CELF1: variants seen among roughly 807,000 people sequenced by gnomAD.
CELF1 encodes CUGBP Elav-like family member 1, also known as 50 kDa nuclear polyadenylated RNA-binding protein.
A neutral mutation model predicts 61.8 loss-of-function variants in CELF1; 10 were observed. The ratio of observed to expected loss-of-function variants is 0.16; its 90% CI spans 0.10 to 0.27. The LOEUF is 0.27. Ranked by LOEUF, CELF1 falls within the 10% of genes least tolerant of loss-of-function variation. CELF1 has a pLI of 1.00. For synonymous variants in CELF1, 236 were observed against 225.1 expected (o/e 1.05, Z -0.43); for missense variants, 380 against 639.1 (o/e 0.59, Z 4.37).
intron 1 of CELF1, among the ~76,000 whole-genome samples, chr11:47,520,023 CAGG>C (rs201079551): frequency 0.014 from 2,103 of 150,994 alleles, 25 homozygotes; most frequent in Non-Finnish European, 0.023. Context: ...AAAAAAAAGC[CAGG>C]AGATCTATCA....
chr11:47,519,874 AAAG>A (rs1261343732), intron 1 of CELF1, among the ~76,000 whole-genome samples: 1 of 152,100 alleles, frequency 6.6e-6, no homozygotes, highest in Non-Finnish European at 1.5e-5. Context: ...AAAAAAAAAA[AAAG>A]GAGTGCTTCT....
At chr11:47,562,706 T>TTG (rs2097230263) in intron 2 of CELF1, among the ~76,000 whole-genome samples, 1 of 150,662 alleles carries the variant, frequency 6.6e-6, no homozygotes, top group African/African-American at 2.5e-5. Flanking sequence ...TTTTTTGTTT[T>TTG]GTTTTGTTTT....
intron 1 of CELF1, among the ~76,000 whole-genome samples, chr11:47,535,373 A>G (rs780729342): frequency 6.6e-6 from 1 of 152,082 alleles, no homozygotes; most frequent in South Asian, 2.1e-4. Context: ...TTATTAAGAT[A>G]CTCCACAAAC....
intron 6 of CELF1, among the ~76,000 whole-genome samples, chr11:47,486,432 C>G (rs561425091): frequency 6.7e-6 from 1 of 149,674 alleles, no homozygotes; most frequent in South Asian, 2.1e-4. Flanking sequence ...TTTTTTGAGA[C>G]AGAGTCTCAC....
chr11:47,489,938 T>TTTG (rs796500815), intron 3 of CELF1, among the ~76,000 whole-genome samples: 25 of 108,394 alleles, frequency 2.3e-4, no homozygotes, highest in African/African-American at 8.6e-4. Flanking sequence ...CCATCTTGTT[T>TTTG]TTTTTTTTTT....
rs749204728 is a variant in CELF1 at position 47,472,198 on chromosome 11, C to T, written c.*32G>A. ...TGCTCCTCCCCCACTTACCAGAAGA[C>T]CCTCTCACTCCAGTCTCAGAGGGGA... On this transcript the variant is annotated 3_prime_UTR_variant, in exon 15 of 15. Transcript: ENST00000687097. The T allele has an allele frequency of 1.9e-6, 3 of 1,610,610 alleles. No homozygotes were observed. Among genetic ancestry groups the T allele is most frequent in the Non-Finnish European group, 2.5e-6 (3 of 1,178,114 alleles).
chr11:47,515,282 T>A (rs1189061509), intron 1 of CELF1, among the ~76,000 whole-genome samples: 1 of 151,816 alleles, frequency 6.6e-6, no homozygotes, highest in Admixed American at 6.6e-5. Flanking sequence ...GTGGAGGGAG[T>A]GGGAGCTCTG....
At chr11:47,553,449 A>C (rs1263206431), upstream of CELF1, among the ~76,000 whole-genome samples, 8 of 152,232 alleles carry the variant, frequency 5.3e-5, no homozygotes, top group African/African-American at 1.9e-4. Context: ...GACTCCGCCC[A>C]TCGCACCCAC....
rs1382048539 is a variant in CELF1, at chr11:47,468,057, AACAAAAAC to A, written c.*4165_*4172del. On this transcript the variant is annotated 3_prime_UTR_variant, in exon 15 of 15. Coordinates refer to ENST00000687097, the MANE Select transcript of CELF1 (RefSeq NM_001376376.1). ...CTTAGTAGGAAAGGAAAAAATTCAAAACAAAAACACAAAAACAATACAAAAACAAAAAC... is the reference window on the plus strand; with the variant it reads ...CTTAGTAGGAAAGGAAAAAATTCAAAACAAAAACAATACAAAAACAAAAAC... The A allele has an allele frequency of 6.6e-6, 1 of 152,198 alleles. No homozygotes were observed. Among genetic ancestry groups the A allele is most frequent in the Non-Finnish European group, 1.5e-5 (1 of 68,048 alleles). The allele number at this position is 152,198 out of a possible 1,614,324, so 9.4% of individuals were successfully genotyped here.
At chr11:47,564,681 CTCA>C (rs1271612779) in intron 1 of CELF1, among the ~76,000 whole-genome samples, 2 of 151,966 alleles carry the variant, frequency 1.3e-5, no homozygotes, top group Admixed American at 6.6e-5. Flanking sequence ...ATCCCAGCTA[CTCA>C]GGAGGCTGAG....
At chr11:47,502,822 ACT>A (rs975945382) in intron 1 of CELF1, among the ~76,000 whole-genome samples, 6 of 151,982 alleles carry the variant, frequency 3.9e-5, no homozygotes, top group African/African-American at 1.5e-4. Context: ...ACAGAGTGAG[ACT>A]CTGTCTCAAA....
intron 1 of CELF1, among the ~76,000 whole-genome samples, chr11:47,533,635 A>AATAC (rs61663256): frequency 0.013 from 1,889 of 148,824 alleles, 40 homozygotes; most frequent in African/African-American, 0.043. Flanking sequence ...AAAATAAATA[A>AATAC]ATACATACAT....
chr11:47,501,786 G>A (rs909688693), intron 1 of CELF1, among the ~76,000 whole-genome samples: 1 of 152,098 alleles, frequency 6.6e-6, no homozygotes, highest in Admixed American at 6.5e-5. Context: ...TCACGCCACT[G>A]CACTCCAGCC....
chr11:47,544,701 T>C (rs375618237), intron 1 of CELF1, among the ~76,000 whole-genome samples: 2 of 152,338 alleles, frequency 1.3e-5, no homozygotes, highest in South Asian at 2.1e-4. Flanking sequence ...TATAGGATTA[T>C]ATTAATAGCA....
chr11:47,479,518 C>A (rs2081847905), intron 9 of CELF1, among the ~76,000 whole-genome samples: 1 of 152,192 alleles, frequency 6.6e-6, no homozygotes, highest in Non-Finnish European at 1.5e-5. Flanking sequence ...TCTATCCAAC[C>A]TTATTTACTT....
At chr11:47,478,606 G>A (rs1469001452) in intron 10 of CELF1, among the ~76,000 whole-genome samples, 2 of 152,068 alleles carry the variant, frequency 1.3e-5, no homozygotes, top group Admixed American at 1.3e-4. Flanking sequence ...CAGTCTATAG[G>A]AGCTAAACAG....
intron 4 of CELF1, 93 bp from the exon 5 acceptor site, chr11:47,487,334 A>C: frequency 1.1e-6 from 1 of 911,992 alleles, no homozygotes; most frequent in South Asian, 1.5e-5. Context: ...ATCTTAAAAG[A>C]GGGCTGGGTT....
chr11:47,480,931 A>G (rs1193540816), intron 9 of CELF1, among the ~76,000 whole-genome samples: 2 of 151,792 alleles, frequency 1.3e-5, no homozygotes, highest in African/African-American at 2.4e-5. Flanking sequence ...AGCTGCTTGC[A>G]GTTGGAGGTT....
In CELF1 at chr11:47,481,825, G is replaced by C. The variant is rs571998342; in HGVS notation, c.768+870C>G. 2.2e-4 allele frequency among the ~76,000 whole-genome samples: 33 copies of C among 152,300 alleles called. 1 individual carries two copies. The East Asian group carries it at 3.1e-3, about 14-fold the overall frequency. On this transcript the variant is annotated intron_variant, in intron 9 of 14. Transcript: ENST00000687097. ...CCTTCTTTTGGCTCACGACAACAGAGAGATCAAATTAAAGGAAGTCTATTT... is the reference window on the plus strand; with the variant it reads ...CCTTCTTTTGGCTCACGACAACAGACAGATCAAATTAAAGGAAGTCTATTT...
Sources: gnomAD v4.1 joint callset for allele counts (sites outside exome capture counted in the v4.1 genomes callset) on GRCh38, gnomAD v4.1.1 for gene constraint, MANE v1.5 for transcripts, NCBI Gene and HGNC (gene_info 2026-07-23, HGNC 2026-07-21) for gene names.